The following DEPTOR variants were observed in gnomAD, a reference collection of about 807,000 sequenced individuals.
DEPTOR encodes the protein DEP domain containing MTOR interacting protein.
Under a neutral mutation model 41.6 loss-of-function variants are expected in DEPTOR, and 41 were observed. The ratio of observed to expected loss-of-function variants is 0.98; its 90% confidence interval spans 0.77 to 1.28. The LOEUF (loss-of-function observed/expected upper bound fraction) is 1.28. Among genes scored for constraint, DEPTOR ranks in the 50% most tolerant of loss-of-function variants. DEPTOR has a pLI of 0.00. For missense variants in DEPTOR, 514 were observed against 527.9 expected, an observed-to-expected ratio of 0.97 and a Z score of 0.26; for synonymous variants, 195 against 192.3, an observed-to-expected ratio of 1.01 and a Z score of -0.12.
rs141010019 is a variant in DEPTOR, at chr8:120,018,521, G to A, written c.1101+9388G>A. Among the ~76,000 whole-genome samples the A allele has an allele frequency of 1.4e-3, 212 of 152,262 alleles. 1 individual carries two copies. Among genetic ancestry groups the A allele is most frequent in the Non-Finnish European group, 2.0e-3 (138 of 68,018 alleles). The stretch of plus-strand genomic sequence containing the variant: ...TTGAACCCGGGAGGTGGAGGTTGCC[G>A]TGAACCAAGATCACGCCACTGCGCT... On this transcript the variant is annotated intron_variant, in intron 8 of 8. Transcript: ENST00000286234.
At chr8:119,954,726 C>T (rs538897681) in intron 3 of DEPTOR, among the ~76,000 whole-genome samples, 23 of 152,076 alleles carry the variant, frequency 1.5e-4, no homozygotes, top group Non-Finnish European at 3.4e-4. Flanking sequence ...TGTAGTGCTG[C>T]CTTCCCTCTA....
At chr8:119,907,176 A>G (rs1002542641) in intron 1 of DEPTOR, among the ~76,000 whole-genome samples, 1 of 152,174 alleles carries the variant, frequency 6.6e-6, no homozygotes, top group African/African-American at 2.4e-5. Context: ...GATCTGGCCC[A>G]TGACACTACC....
chr8:120,050,036 C>A lies in DEPTOR; in HGVS notation c.*332C>A. The A allele has an allele frequency of 5.8e-6, 1 of 172,666 alleles. No individual in the cohort carries two copies. Among genetic ancestry groups the A allele is most frequent in the African/African-American group, 2.4e-5 (1 of 42,280 alleles). 10.7% of individuals were successfully genotyped at this position (172,666 alleles called of 1,614,324 possible). A position where few individuals can be genotyped will look rare whatever the true frequency, so the allele number is the denominator to read the frequency against. On this transcript the variant is annotated 3_prime_UTR_variant, in exon 9 of 9. Coordinates refer to ENST00000286234, the MANE Select transcript of DEPTOR (RefSeq NM_022783.4). Reference sequence around the variant, plus strand: ...TGAAATGCTTCTCTAGCCCAAACAGCGACATGCTAAAGTCCCCTTCTTCAG... The same window carrying A: ...TGAAATGCTTCTCTAGCCCAAACAGAGACATGCTAAAGTCCCCTTCTTCAG...
At chr8:120,017,444 AC>A (rs1444825517) in intron 8 of DEPTOR, among the ~76,000 whole-genome samples, 12 of 152,240 alleles carry the variant, frequency 7.9e-5, no homozygotes, top group Admixed American at 6.5e-4. Flanking sequence ...ATTCTATTAA[AC>A]CCTGAAATCC....
In DEPTOR at chr8:120,020,977, C is replaced by T. The variant is rs183693138; in HGVS notation, c.1101+11844C>T. On this transcript the variant is annotated intron_variant, in intron 8 of 8. Coordinates refer to ENST00000286234, the MANE Select transcript of DEPTOR (RefSeq NM_022783.4). ...GGGAGGCTGAGGCAAGAGAATCACTCGAACCTTGGAGGCAGAGGTTGCAGT... is the reference window on the plus strand; with the variant it reads ...GGGAGGCTGAGGCAAGAGAATCACTTGAACCTTGGAGGCAGAGGTTGCAGT... 3.6e-3 allele frequency among the ~76,000 whole-genome samples: 538 copies of T among 151,540 alleles called. 2 individuals are homozygous for T. The highest frequency in any genetic ancestry group is 0.011 in the African/African-American group (448 of 41,282).
intron 1 of DEPTOR, among the ~76,000 whole-genome samples, chr8:119,883,952 T>C (rs978247023): frequency 3.9e-5 from 6 of 152,220 alleles, no homozygotes; most frequent in Non-Finnish European, 7.3e-5. Flanking sequence ...GGACTAGTCC[T>C]AGCACAGTAC....
intron 7 of DEPTOR, among the ~76,000 whole-genome samples, chr8:120,007,573 T>C (rs1015474387): frequency 1.3e-5 from 2 of 152,190 alleles, no homozygotes; most frequent in African/African-American, 4.8e-5. Flanking sequence ...TGTCTCCTTC[T>C]GTCAATCTCC....
chr8:119,875,309 T>C (rs1827217980), intron 1 of DEPTOR, among the ~76,000 whole-genome samples: 1 of 151,966 alleles, frequency 6.6e-6, no homozygotes, highest in South Asian at 2.1e-4. Flanking sequence ...GGGAAGGGGT[T>C]GTTTTATAGG....
intron 3 of DEPTOR, among the ~76,000 whole-genome samples, chr8:119,962,988 C>T (rs73705850): frequency 0.036 from 5,444 of 152,126 alleles, 103 homozygotes; most frequent in African/African-American, 0.052. Context: ...GAAGGAAGAA[C>T]GTGAGCTCAG....
chr8:119,935,491 C>T (rs969901957), intron 3 of DEPTOR, among the ~76,000 whole-genome samples: 2 of 152,038 alleles, frequency 1.3e-5, no homozygotes, highest in Admixed American at 6.6e-5. Context: ...GAGGCCGAGG[C>T]GGGCAGATCC....
chr8:120,033,711 G>A (rs1812931060), intron 8 of DEPTOR, among the ~76,000 whole-genome samples: 1 of 152,140 alleles, frequency 6.6e-6, no homozygotes, highest in African/African-American at 2.4e-5. Flanking sequence ...AAGATGACAA[G>A]ACACAGATGA....
At chr8:119,929,396 ACT>A (rs1187761434) in intron 2 of DEPTOR, among the ~76,000 whole-genome samples, 1 of 151,468 alleles carries the variant, frequency 6.6e-6, no homozygotes, top group African/African-American at 2.4e-5. Flanking sequence ...CTCCCATTGC[ACT>A]CTCTCCTTAC....
rs188100416 is a variant in DEPTOR at position 120,031,753 on chromosome 8, A to T, written c.1102-17823A>T. 3.3e-3 allele frequency among the ~76,000 whole-genome samples: 496 copies of T among 152,198 alleles called. 2 individuals carry two copies. Among genetic ancestry groups the T allele is most frequent in the African/African-American group, 0.011 (456 of 41,514 alleles). On this transcript the variant is annotated intron_variant, in intron 8 of 8. Transcript: ENST00000286234. ...CCATCATTGCCAACATTTTTCTTCA[A>T]ATTAGGCAGCCTTGATACTGGGAGC...
intron 3 of DEPTOR, among the ~76,000 whole-genome samples, chr8:119,954,689 G>A (rs1405158341): frequency 6.6e-6 from 1 of 151,928 alleles, no homozygotes; most frequent in Admixed American, 6.6e-5. Flanking sequence ...TCTTGTACTG[G>A]CCCCTAAATG....
intron 1 of DEPTOR, among the ~76,000 whole-genome samples, chr8:119,902,348 T>C (rs531073996): frequency 5.3e-5 from 8 of 152,190 alleles, no homozygotes; most frequent in African/African-American, 1.7e-4. Flanking sequence ...ATTTAGGATT[T>C]TTTTTTTGAG....
intron 4 of DEPTOR, among the ~76,000 whole-genome samples, chr8:119,988,415 T>C (rs1293050212): frequency 6.6e-6 from 1 of 152,214 alleles, no homozygotes; most frequent in Non-Finnish European, 1.5e-5. Context: ...ACCTTCTGCG[T>C]TGATCTCACT....
At chr8:119,991,030 T>TTTTCTTTTTC (rs1812150925) in intron 4 of DEPTOR, among the ~76,000 whole-genome samples, 58 of 53,694 alleles carry the variant, frequency 1.1e-3, no homozygotes, top group Admixed American at 1.6e-3. Context: ...TCGGGTTTTC[T>TTTTCTTTTTC]TTTCTTTCTT....
At chr8:119,957,594 C>CTTTCT (rs1828434280) in intron 3 of DEPTOR, among the ~76,000 whole-genome samples, 1 of 140,444 alleles carries the variant, frequency 7.1e-6, no homozygotes, top group African/African-American at 2.6e-5. Context: ...TTCTTTCTTT[C>CTTTCT]TTTTTTTTTT....
chr8:119,938,625 G>T (rs2129884207), intron 3 of DEPTOR, among the ~76,000 whole-genome samples: 1 of 152,202 alleles, frequency 6.6e-6, no homozygotes, highest in Middle Eastern at 3.4e-3. Flanking sequence ...TGATTGTCTT[G>T]CCTCAGCCAC....
Sources: allele counts gnomAD v4.1 joint callset (sites outside exome capture counted in the v4.1 genomes callset), GRCh38; gene constraint gnomAD v4.1.1; transcripts MANE v1.5; gene names NCBI Gene and HGNC (gene_info 2026-07-23, HGNC 2026-07-21).